SMCO2: variants seen among roughly 807,000 people sequenced by gnomAD.
SMCO2 encodes the protein single-pass membrane protein with coiled-coil domains 2, also known as single-pass membrane and coiled-coil domain-containing protein 2.
In SMCO2, 25 loss-of-function variants were observed where a neutral mutation model predicts 29.5. The observed-to-expected ratio is 0.85, with a 90% CI of 0.62 to 1.18. The LOEUF (loss-of-function observed/expected upper bound fraction) is 1.18, where lower values mean the gene tolerates loss of function less well. Among genes scored for constraint, SMCO2 ranks in the 50% most tolerant of loss-of-function variants. SMCO2 has a pLI of 0.00. For synonymous variants in SMCO2, 117 were observed against 123.3 expected (o/e 0.95, Z 0.34); for missense variants, 348 against 344.5 (o/e 1.01, Z -0.08).
At chr12:27,476,852 G>A (rs1009838453) in intron 4 of SMCO2, among the ~76,000 whole-genome samples, 44 of 151,710 alleles carry the variant, frequency 2.9e-4, no homozygotes, top group Non-Finnish European at 4.7e-4. Flanking sequence ...TATATTCAAG[G>A]TTATTATTGA....
chr12:27,490,990 A>G (rs1949730763), intron 5 of SMCO2, among the ~76,000 whole-genome samples: 1 of 152,186 alleles, frequency 6.6e-6, no homozygotes, highest in South Asian at 2.1e-4. Flanking sequence ...ATAAATAGGT[A>G]AAATTGTTAC....
the SMCO2 span, among the ~76,000 whole-genome samples, chr12:27,454,531 A>G: frequency 1.3e-5 from 2 of 152,140 alleles, no homozygotes; most frequent in Admixed American, 6.5e-5. Flanking sequence ...TGTGGTATTA[A>G]ACACATTGCT....
the SMCO2 span, among the ~76,000 whole-genome samples, chr12:27,454,672 G>A: frequency 6.6e-6 from 1 of 152,124 alleles, no homozygotes; most frequent in African/African-American, 2.4e-5. Flanking sequence ...GTTTGCTGCA[G>A]CCATCAACCC....
the SMCO2 span, among the ~76,000 whole-genome samples, chr12:27,440,648 G>GT: frequency 0.088 from 10,708 of 122,234 alleles, 578 homozygotes; most frequent in East Asian, 0.16. Flanking sequence ...TTTTCTGTGG[G>GT]TTTTTTTTTT....
chr12:27,432,208 G>T, the SMCO2 span, among the ~76,000 whole-genome samples: 1 of 152,102 alleles, frequency 6.6e-6, no homozygotes, highest in African/African-American at 2.4e-5. Context: ...ACATTCCATA[G>T]GTTGTTTTTT....
At chr12:27,494,401 A>T in intron 6 of SMCO2, 45 bp downstream of exon 7, 12 of 1,398,424 alleles carry the variant, frequency 8.6e-6, no homozygotes, top group Non-Finnish European at 1.2e-5. Flanking sequence ...AAATCAGATA[A>T]TTTATGTCTA....
At chr12:27,489,808 C>T (rs970585827) in intron 5 of SMCO2, among the ~76,000 whole-genome samples, 1 of 152,042 alleles carries the variant, frequency 6.6e-6, no homozygotes, top group Non-Finnish European at 1.5e-5. Flanking sequence ...AGGACAAAGG[C>T]CAAGAAATAT....
chr12:27,456,463 G>T, the SMCO2 span, among the ~76,000 whole-genome samples: 1 of 152,068 alleles, frequency 6.6e-6, no homozygotes. Context: ...TCGGCAGAGG[G>T]GGGAGGAATG....
At chr12:27,455,442 G>T in the SMCO2 span, among the ~76,000 whole-genome samples, 1 of 152,134 alleles carries the variant, frequency 6.6e-6, no homozygotes, top group Non-Finnish European at 1.5e-5. Flanking sequence ...AGATACATTT[G>T]TAGGGCTTTT....
At chr12:27,455,153 C>T in the SMCO2 span, among the ~76,000 whole-genome samples, 12 of 152,152 alleles carry the variant, frequency 7.9e-5, 1 homozygote, top group South Asian at 1.0e-3. Flanking sequence ...AGGCATTAAC[C>T]TTGGTGTTTG....
At chr12:27,475,061 T>A (rs1949573332) in intron 4 of SMCO2, 148 bp downstream of exon 4, 1 of 907,468 alleles carries the variant, frequency 1.1e-6, no homozygotes, top group Middle Eastern at 3.6e-4. Flanking sequence ...GGTAACTACC[T>A]ACATGATCTA....
At chr12:27,470,726 T>A (rs1949534334) in exon 2 of SMCO2, 1 of 1,551,098 alleles carries the variant, frequency 6.4e-7, no homozygotes, top group Non-Finnish European at 8.7e-7. Flanking sequence ...AACAATGGCT[T>A]TTTCCAAAAG....
chr12:27,460,565 A>C, the SMCO2 span, among the ~76,000 whole-genome samples: 1 of 152,102 alleles, frequency 6.6e-6, no homozygotes, highest in Non-Finnish European at 1.5e-5. Context: ...TGTGATCGTC[A>C]GGTTGAGTAG....
chr12:27,455,003 C>G, the SMCO2 span, among the ~76,000 whole-genome samples: 6 of 152,176 alleles, frequency 3.9e-5, no homozygotes, highest in East Asian at 1.2e-3. Context: ...CAATTCCTAT[C>G]GTTGAACTTT....
In SMCO2 at chr12:27,500,092, CA is replaced by C. The variant is rs760643625; in HGVS notation, c.684-1830del. Among the ~76,000 whole-genome samples, 8 of 150,612 alleles carry C rather than the reference CA, an allele frequency of 5.3e-5. No individual in the cohort carries two copies. In the South Asian group the frequency reaches 6.3e-4, roughly 12 times the overall value. ...AAAATGAATAAAATTATTAGTGACACATTTTTTTGGTTCTGTACAGGTGATA... is the reference window on the plus strand; with the variant it reads ...AAAATGAATAAAATTATTAGTGACACTTTTTTTGGTTCTGTACAGGTGATA... On this transcript the variant is annotated intron_variant, in intron 7 of 7. Transcript: ENST00000298876.
At chr12:27,449,832 C>T in the SMCO2 span, among the ~76,000 whole-genome samples, 8 of 152,286 alleles carry the variant, frequency 5.3e-5, no homozygotes, top group African/African-American at 1.9e-4. Flanking sequence ...CATTAGAGAA[C>T]CAAAAGGAGG....
exon 2 of SMCO2, chr12:27,470,729 T>C (rs60834107): frequency 6.4e-7 from 1 of 1,551,104 alleles, no homozygotes; most frequent in East Asian, 2.4e-5. Context: ...AATGGCTTTT[T>C]CCAAAAGCTC....
upstream of SMCO2, among the ~76,000 whole-genome samples, chr12:27,465,838 T>G (rs1949494616): frequency 6.6e-6 from 1 of 152,140 alleles, no homozygotes; most frequent in Admixed American, 6.5e-5. Context: ...GATTCTAAAG[T>G]TTATGTTTTT....
intron 7 of SMCO2, chr12:27,498,095 T>A (rs2616343): frequency 3.2e-6 from 1 of 316,668 alleles, no homozygotes; most frequent in Admixed American, 3.4e-5. Context: ...GAGTGCTGCT[T>A]AGACATCTGT....
Sources: gnomAD v4.1 joint callset for allele counts (sites outside exome capture counted in the v4.1 genomes callset) on GRCh38, gnomAD v4.1.1 for gene constraint, MANE v1.5 for transcripts, NCBI Gene and HGNC (gene_info 2026-07-23, HGNC 2026-07-21) for gene names.